Variants in ADGRL3 observed in about 807,000 individuals in gnomAD.
ADGRL3 encodes the protein adhesion G protein-coupled receptor L3.
A neutral mutation model predicts 153.5 loss-of-function variants in ADGRL3; 62 were observed. That is an observed-to-expected ratio of 0.40 (90% CI 0.33 to 0.50). The LOEUF is 0.50. Among genes scored for constraint, ADGRL3 ranks in the 20% least tolerant of loss-of-function variants. The pLI is 0.47. For missense variants in ADGRL3, 1,641 were observed against 1,859.4 expected (o/e 0.88, Z 2.16); for synonymous variants, 710 against 672.5 (o/e 1.06, Z -0.86).
chr4:61,306,635 T>C (rs2094799863), intron 1 of ADGRL3, among the ~76,000 whole-genome samples: 1 of 152,228 alleles, frequency 6.6e-6, no homozygotes, highest in Admixed American at 6.5e-5. Context: ...CTTTCATTTC[T>C]CCAACTCTAG....
chr4:61,460,102 T>C (rs187850463), intron 2 of ADGRL3, among the ~76,000 whole-genome samples: 2 of 152,304 alleles, frequency 1.3e-5, no homozygotes, highest in African/African-American at 4.8e-5. Context: ...TTGTCTGTTT[T>C]TGTTTTTGTT....
chr4:61,559,514 A>G (rs1046252762), intron 4 of ADGRL3, among the ~76,000 whole-genome samples: 1 of 152,092 alleles, frequency 6.6e-6, no homozygotes, highest in African/African-American at 2.4e-5. Context: ...GATTAGCCTG[A>G]ATTTGGCTCT....
chr4:61,710,076 A>G (rs1266549060), intron 6 of ADGRL3, among the ~76,000 whole-genome samples: 2 of 152,214 alleles, frequency 1.3e-5, no homozygotes, highest in Non-Finnish European at 2.9e-5. Flanking sequence ...AGTTACTTTT[A>G]TAGACATTTA....
At chr4:61,883,386 C>T (rs1177875187) in intron 9 of ADGRL3, among the ~76,000 whole-genome samples, 2 of 152,052 alleles carry the variant, frequency 1.3e-5, no homozygotes, top group Non-Finnish European at 2.9e-5. Context: ...ATCAATAATT[C>T]TTGGTTGAGT....
At chr4:61,613,243 A>T (rs148665921) in intron 5 of ADGRL3, among the ~76,000 whole-genome samples, 1 of 152,050 alleles carries the variant, frequency 6.6e-6, no homozygotes, top group Non-Finnish European at 1.5e-5. Flanking sequence ...CTTTAGATTG[A>T]TCTAGGGACT....
At chr4:61,627,514 G>A (rs953516989) in intron 5 of ADGRL3, among the ~76,000 whole-genome samples, 8 of 151,986 alleles carry the variant, frequency 5.3e-5, no homozygotes, top group Non-Finnish European at 1.0e-4. Flanking sequence ...CCAGCTACTC[G>A]GGAGGCTGAG....
At chr4:61,774,773 C>G (rs2097128334) in intron 8 of ADGRL3, among the ~76,000 whole-genome samples, 1 of 152,078 alleles carries the variant, frequency 6.6e-6, no homozygotes. Context: ...CTTACTGTGC[C>G]TAATTTATAA....
At chr4:61,675,643 TTTTATTTA>T (rs71213003) in intron 5 of ADGRL3, among the ~76,000 whole-genome samples, 3 of 139,780 alleles carry the variant, frequency 2.1e-5, no homozygotes, top group East Asian at 4.2e-4. Flanking sequence ...GCTTAGAAAG[TTTTATTTA>T]TTTATTTATT....
chr4:62,056,120 C>T lies in ADGRL3; in HGVS notation c.3814+11571C>T, dbSNP rs552035690. Reference sequence around the variant, plus strand: ...TAAAACTACCAGAGGTCATGTGTGACCTTGAATAAATTATAAATACCTCAG... The same window carrying T: ...TAAAACTACCAGAGGTCATGTGTGATCTTGAATAAATTATAAATACCTCAG... On this transcript the variant is annotated intron_variant, in intron 25 of 26. Coordinates refer to ENST00000683033, the MANE Select transcript of ADGRL3 (RefSeq NM_001387552.1). Among the ~76,000 whole-genome samples, 151 of 151,530 alleles carry T rather than the reference C, an allele frequency of 1.0e-3. 1 individual carries two copies. The highest frequency in any genetic ancestry group is 1.4e-3 in the Non-Finnish European group (97 of 67,700).
At chr4:61,719,154 A>G (rs1283535469) in intron 6 of ADGRL3, among the ~76,000 whole-genome samples, 1 of 152,142 alleles carries the variant, frequency 6.6e-6, no homozygotes, top group Non-Finnish European at 1.5e-5. Flanking sequence ...CTACTTTTTA[A>G]GGAATATTTA....
At chr4:61,850,042 G>A (rs1377108855) in intron 9 of ADGRL3, among the ~76,000 whole-genome samples, 1 of 152,082 alleles carries the variant, frequency 6.6e-6, no homozygotes. Flanking sequence ...TTTGACCACT[G>A]TGAACATCAG....
intron 4 of ADGRL3, among the ~76,000 whole-genome samples, chr4:61,546,315 C>T (rs1227385420): frequency 6.6e-6 from 1 of 152,206 alleles, no homozygotes; most frequent in Admixed American, 6.5e-5. Context: ...GTCTGTATTA[C>T]ACCAGTGTGC....
At chr4:61,303,693 A>G (rs1045485956) in intron 1 of ADGRL3, among the ~76,000 whole-genome samples, 7 of 152,186 alleles carry the variant, frequency 4.6e-5, no homozygotes, top group African/African-American at 1.7e-4. Flanking sequence ...GGATTTTTAA[A>G]GTTAGTACAG....
rs1747767158 is a variant in ADGRL3 at position 62,078,221 on chromosome 4, A to G, written c.*7313A>G. On this transcript the variant is annotated 3_prime_UTR_variant, in exon 27 of 27. Coordinates refer to ENST00000683033, the MANE Select transcript of ADGRL3 (RefSeq NM_001387552.1). Reference sequence around the variant, plus strand: ...ATATACACCTACCAGATTTCAAGCTATTGGATATTTCCCTTGTACAACCTT... The same window carrying G: ...ATATACACCTACCAGATTTCAAGCTGTTGGATATTTCCCTTGTACAACCTT... The G allele has an allele frequency of 1.3e-5, 2 of 151,934 alleles. No homozygotes were observed. The highest frequency in any genetic ancestry group is 1.3e-4 in the Admixed American group (2 of 15,216). 9.4% of individuals were successfully genotyped at this position (151,934 alleles called of 1,614,324 possible).
intron 9 of ADGRL3, among the ~76,000 whole-genome samples, chr4:61,853,421 C>T (rs1411275736): frequency 6.6e-6 from 1 of 152,150 alleles, no homozygotes. Flanking sequence ...CTTCGCAAAC[C>T]ATCAGTAAGC....
chr4:61,847,340 CAGA>C (rs1376191845), intron 9 of ADGRL3, among the ~76,000 whole-genome samples: 3 of 150,786 alleles, frequency 2.0e-5, no homozygotes, highest in Non-Finnish European at 4.4e-5. Context: ...AATTGCCCTG[CAGA>C]AGAAGTATTA....
At chr4:61,443,731 G>T (rs887305828) in intron 2 of ADGRL3, among the ~76,000 whole-genome samples, 2 of 151,790 alleles carry the variant, frequency 1.3e-5, no homozygotes. Context: ...CTCATCAATT[G>T]TTCAAGGAAA....
intron 19 of ADGRL3, among the ~76,000 whole-genome samples, chr4:61,987,043 A>G (rs2099087882): frequency 6.6e-6 from 1 of 152,034 alleles, no homozygotes; most frequent in South Asian, 2.1e-4. Flanking sequence ...ATATAGAATT[A>G]TATGTCTTGT....
At chr4:61,765,604 T>C (rs565630252) in intron 8 of ADGRL3, among the ~76,000 whole-genome samples, 2 of 152,124 alleles carry the variant, frequency 1.3e-5, no homozygotes, top group African/African-American at 4.8e-5. Flanking sequence ...CAGACTGTAT[T>C]GAGGTGGGAA....
Sources: gnomAD v4.1 joint callset for allele counts (sites outside exome capture counted in the v4.1 genomes callset) on GRCh38, gnomAD v4.1.1 for gene constraint, MANE v1.5 for transcripts, NCBI Gene and HGNC (gene_info 2026-07-23, HGNC 2026-07-21) for gene names.